Variants in SLC15A5 observed in about 807,000 individuals in gnomAD.
SLC15A5 encodes solute carrier family 15 member 5.
SLC15A5 carries 58 observed loss-of-function variants against 56.1 expected under a neutral mutation model. That is an observed-to-expected ratio of 1.03 (90% CI 0.84 to 1.29). The LOEUF is 1.29. Ranked by LOEUF, SLC15A5 falls within the 50% of genes most tolerant of loss-of-function variation. The pLI is 0.00. For missense variants in SLC15A5, 681 were observed against 672.1 expected (o/e 1.01, Z -0.15); for synonymous variants, 264 against 250.5 (o/e 1.05, Z -0.51).
chr12:16,242,118 G>C (rs1336406488), intron 4 of SLC15A5, among the ~76,000 whole-genome samples: 1 of 152,150 alleles, frequency 6.6e-6, no homozygotes, highest in African/African-American at 2.4e-5. Context: ...TTAGATGTAT[G>C]TCTTGCAACT....
At chr12:16,264,710 C>A (rs1200095085) in intron 2 of SLC15A5, among the ~76,000 whole-genome samples, 1 of 152,130 alleles carries the variant, frequency 6.6e-6, no homozygotes, top group East Asian at 1.9e-4. Flanking sequence ...CCATGCTGTT[C>A]TCGTGATAGT....
rs1007969112 is a variant in SLC15A5, at chr12:16,235,304, A to ATATATATG, written c.1162+4369_1162+4376dup. On this transcript the variant is annotated intron_variant, in intron 5 of 8. Transcript: ENST00000344941. This position sits in a 1 kb window ranked among gnomAD's most constrained non-coding sequence, Gnocchi z 4.1. ...TATGTATATATGTATATGTATATGT[A>ATATATATG]TATATATGTATATATGTATATGTAT... 6.7e-6 allele frequency among the ~76,000 whole-genome samples: 1 copy of ATATATATG among 148,978 alleles called. No homozygotes were observed. Among genetic ancestry groups the ATATATATG allele is most frequent in the Non-Finnish European group, 1.5e-5 (1 of 67,376 alleles).
intron 5 of SLC15A5, among the ~76,000 whole-genome samples, chr12:16,239,118 C>T (rs1338311420): frequency 6.6e-6 from 1 of 152,136 alleles, no homozygotes; most frequent in Non-Finnish European, 1.5e-5. Flanking sequence ...CTGATGGTGT[C>T]GAAGGAAGAC....
intron 1 of SLC15A5, among the ~76,000 whole-genome samples, chr12:16,273,003 T>C (rs1213595767): frequency 2.6e-5 from 4 of 152,110 alleles, no homozygotes; most frequent in Non-Finnish European, 5.9e-5. Context: ...TTAGGTTTTT[T>C]TTTTTCTCCT....
chr12:16,205,559 TTCCATAAGAAGGGAAAGGTGC>T (rs370090832), intron 7 of SLC15A5, among the ~76,000 whole-genome samples: 49,171 of 82,050 alleles, frequency 0.6, 12,815 homozygotes, highest in East Asian at 0.72. Flanking sequence ...TATATATATA[TTCCATAAGAAGGGAAAGGTGC>T]ATATATATAT....
In SLC15A5 at chr12:16,220,732, C is replaced by G. The variant is rs530574828; in HGVS notation, c.1351+3682G>C. Reference sequence around the variant, plus strand: ...CATAATCACAATTTTGTGCACCCTTCTCTGATTAGAGCCTTCTATCTTCCC... The same window carrying G: ...CATAATCACAATTTTGTGCACCCTTGTCTGATTAGAGCCTTCTATCTTCCC... On this transcript the variant is annotated intron_variant, in intron 6 of 8. Transcript: ENST00000344941. 2.9e-4 allele frequency among the ~76,000 whole-genome samples: 44 copies of G among 152,246 alleles called. 2 individuals are homozygous for G. The South Asian group carries it at 9.2e-3, about 32-fold the overall frequency.
intron 2 of SLC15A5, among the ~76,000 whole-genome samples, chr12:16,272,196 CTGAGGTAGAGAATAAATGACTAGGTCA>C (rs1864767099): frequency 6.6e-6 from 1 of 152,130 alleles, no homozygotes; most frequent in Non-Finnish European, 1.5e-5. Context: ...AATGAATAAA[CTGAGGTAGAGAATAAATGACTAGGTCA>C]AGGTCAGTCA....
Position 16,233,866 on chromosome 12 carries a change from CTA to C in SLC15A5, c.1162+5813_1162+5814del, listed in dbSNP as rs1212539435. On this transcript the variant is annotated intron_variant, in intron 5 of 8. Transcript: ENST00000344941. Reference sequence around the variant, plus strand: ...CTAGATGATTCTTATACAAATTAAACTATGAGAAGCACTGCTCAAGCATATAA... The same window carrying C: ...CTAGATGATTCTTATACAAATTAAACTGAGAAGCACTGCTCAAGCATATAA... Among the ~76,000 whole-genome samples, 9 of 152,276 alleles carry C rather than the reference CTA, an allele frequency of 5.9e-5. No individual in the cohort carries two copies. The East Asian group carries it at 7.7e-4, about 13-fold the overall frequency.
Position 16,235,302 on chromosome 12 carries a change from G to T in SLC15A5, c.1162+4379C>A, listed in dbSNP as rs866106076. On this transcript the variant is annotated intron_variant, in intron 5 of 8. Transcript: ENST00000344941. The surrounding 1 kb of genome is among the most constrained non-coding windows in gnomAD (Gnocchi z 4.1). Reference sequence around the variant, plus strand: ...TATATGTATATATGTATATGTATATGTATATATATGTATATATGTATATGT... The same window carrying T: ...TATATGTATATATGTATATGTATATTTATATATATGTATATATGTATATGT... Among the ~76,000 whole-genome samples, 1 of 147,756 alleles carries T rather than the reference G, an allele frequency of 6.8e-6. No individual in the cohort carries two copies.
In SLC15A5 at chr12:16,270,026, AC is replaced by A. The variant is rs1440382342; in HGVS notation, c.584+2534del. On this transcript the variant is annotated intron_variant, in intron 2 of 8. Coordinates refer to ENST00000344941, the MANE Select transcript of SLC15A5 (RefSeq NM_001170798.1). ...GCCAGGCTCTGATCTGGATAATGAC[AC>A]AAGGATGTTGGCAGATTATTATGTC... Among the ~76,000 whole-genome samples the A allele has an allele frequency of 2.6e-5, 4 of 152,336 alleles. No individual in the cohort carries two copies. The East Asian group carries it at 7.7e-4, about 29-fold the overall frequency.
At chr12:16,268,300 C>T in intron 2 of SLC15A5, among the ~76,000 whole-genome samples, 1 of 48,264 alleles carries the variant, frequency 2.1e-5, no homozygotes. Flanking sequence ...TTGCTTGAAC[C>T]CGGGAGACGG....
chr12:16,210,767 G>T (rs1360916909), intron 7 of SLC15A5, among the ~76,000 whole-genome samples: 1 of 152,108 alleles, frequency 6.6e-6, no homozygotes, highest in African/African-American at 2.4e-5. Context: ...TCTACCTCTC[G>T]TGAGCCAATA....
In SLC15A5 at chr12:16,244,801, C is replaced by G. The variant is rs1419658059; in HGVS notation, c.755-1G>C. On this transcript the variant is annotated splice_acceptor_variant, in intron 3 of 8. Coordinates refer to ENST00000344941, the MANE Select transcript of SLC15A5 (RefSeq NM_001170798.1). LOFTEE classifies it high-confidence loss of function. ...CCAACGCCTGTCAGGAGAGAACAAC[C>G]TGCAAGTAATCGGAGATATTATGTA... The G allele has an allele frequency of 6.5e-7, 1 of 1,537,272 alleles. No homozygotes were observed. Among genetic ancestry groups the G allele is most frequent in the Non-Finnish European group, 8.7e-7 (1 of 1,146,604 alleles).
In SLC15A5 at chr12:16,244,733, G is replaced by A. The variant is rs1300665339; in HGVS notation, c.822C>T (p.Cys274=). ...GGCTTGTCACGTCTCTGCCAAGATGGCAGTATTGCGGGTGGCATGTTTTCA... is the reference window on the plus strand; with the variant it reads ...GGCTTGTCACGTCTCTGCCAAGATGACAGTATTGCGGGTGGCATGTTTTCA... ...SALKTCHPQY[C]HLGRDVTSQL... Residue 274 remains cysteine, a synonymous_variant, in exon 4 of 9, where the codon TGC becomes TGT. Coordinates refer to ENST00000344941, the MANE Select transcript of SLC15A5 (RefSeq NM_001170798.1). 27 of 1,537,670 alleles carry A rather than the reference G, an allele frequency of 1.8e-5. No homozygotes were observed. The highest frequency in any genetic ancestry group is 2.7e-5 in the African/African-American group (2 of 73,166).
At chr12:16,224,015 C>A (rs748375824) in intron 6 of SLC15A5, among the ~76,000 whole-genome samples, 1 of 152,146 alleles carries the variant, frequency 6.6e-6, no homozygotes, top group Non-Finnish European at 1.5e-5. Context: ...CGCACCCGGC[C>A]TGTGAGTTTA....
intron 5 of SLC15A5, among the ~76,000 whole-genome samples, chr12:16,238,365 C>T (rs1864372457): frequency 6.6e-6 from 1 of 152,112 alleles, no homozygotes; most frequent in Non-Finnish European, 1.5e-5. Context: ...TGGTGGCTCA[C>T]ACCTGTCATC....
chr12:16,219,060 A>G (rs1003854540), intron 6 of SLC15A5, among the ~76,000 whole-genome samples: 4 of 152,190 alleles, frequency 2.6e-5, no homozygotes, highest in African/African-American at 4.8e-5. Flanking sequence ...ACTTCAGGAA[A>G]GTGCTCAGTG....
At chr12:16,265,168 G>C (rs773941898) in intron 2 of SLC15A5, among the ~76,000 whole-genome samples, 1 of 152,292 alleles carries the variant, frequency 6.6e-6, no homozygotes, top group East Asian at 1.9e-4. Flanking sequence ...AAGGTAGGGA[G>C]AAAATCACAG....
rs1864434865 is a variant in SLC15A5 at position 16,243,653 on chromosome 12, C to A, written c.975+927G>T. Among the ~76,000 whole-genome samples, 1 of 152,008 alleles carries A rather than the reference C, an allele frequency of 6.6e-6. No individual in the cohort carries two copies. The highest frequency in any genetic ancestry group is 2.1e-4 in the South Asian group (1 of 4,828). On this transcript the variant is annotated intron_variant, in intron 4 of 8. Transcript: ENST00000344941. The surrounding 1 kb of genome is among the most constrained non-coding windows in gnomAD (Gnocchi z 4.4). ...TGGCCTTCAGATAGTGGATGGCTAA[C>A]CCCTGGTTTAGAGGGGCAAGCACTG...
Sources: allele counts gnomAD v4.1 joint callset (sites outside exome capture counted in the v4.1 genomes callset), GRCh38; gene constraint gnomAD v4.1.1; non-coding constraint Gnocchi (gnomAD v3.1); transcripts MANE v1.5; gene names NCBI Gene and HGNC (gene_info 2026-07-23, HGNC 2026-07-21).